Variants in STAG1 observed in about 807,000 individuals in gnomAD.
STAG1 encodes cohesin subunit SA-1.
In STAG1, 26 loss-of-function variants were observed where a neutral mutation model predicts 170.9. That is an observed-to-expected ratio of 0.15 (90% confidence interval 0.11 to 0.21). The LOEUF is 0.21. STAG1 is among the 10% of genes least tolerant of loss of function. The pLI, the probability that STAG1 is intolerant of heterozygous loss-of-function variation, is 1.00. For missense variants in STAG1, 964 were observed against 1,509.5 expected (o/e 0.64, Z 5.99); for synonymous variants, 514 against 497.7 (o/e 1.03, Z -0.44).
intron 7 of STAG1, among the ~76,000 whole-genome samples, chr3:136,517,563 T>C (rs1326010595): frequency 6.6e-6 from 1 of 152,078 alleles, no homozygotes; most frequent in East Asian, 1.9e-4. Flanking sequence ...AAATTTTAAC[T>C]TCATAATACC....
intron 23 of STAG1, among the ~76,000 whole-genome samples, chr3:136,376,005 T>TAATTAACAAAATA (rs1175764770): frequency 4.7e-4 from 30 of 63,926 alleles, no homozygotes; most frequent in South Asian, 1.3e-3. Context: ...AATAAATAAA[T>TAATTAACAAAATA]AAATAATTAA....
intron 3 of STAG1, among the ~76,000 whole-genome samples, chr3:136,611,910 C>T (rs929715972): frequency 4.0e-5 from 6 of 151,676 alleles, no homozygotes; most frequent in East Asian, 1.9e-4. Flanking sequence ...TGCAGTGGCG[C>T]GATCTCGGCT....
rs114262635 is a variant in STAG1, at chr3:136,359,681, C to A, written c.2788-385G>T. Among the ~76,000 whole-genome samples, 1,415 of 152,256 alleles carry A rather than the reference C, an allele frequency of 9.3e-3. 26 individuals are homozygous for A. The highest frequency in any genetic ancestry group is 0.03 in the African/African-American group (1,264 of 41,540). On this transcript the variant is annotated intron_variant, in intron 26 of 33. Coordinates refer to ENST00000383202, the MANE Select transcript of STAG1 (RefSeq NM_005862.3). ...AGTAGCTGAGATAATAGGCGTGTACCACCATGCCCATCTAATTTTTAGCAG... is the reference window on the plus strand; with the variant it reads ...AGTAGCTGAGATAATAGGCGTGTACAACCATGCCCATCTAATTTTTAGCAG...
intron 14 of STAG1, among the ~76,000 whole-genome samples, chr3:136,451,361 T>C (rs1214385119): frequency 6.6e-6 from 1 of 152,134 alleles, no homozygotes; most frequent in Non-Finnish European, 1.5e-5. Flanking sequence ...CCTTACTAAA[T>C]AATTTTCAAA....
At chr3:136,748,514 G>A (rs1034695010) in intron 1 of STAG1, among the ~76,000 whole-genome samples, 7 of 151,826 alleles carry the variant, frequency 4.6e-5, no homozygotes, top group African/African-American at 9.7e-5. Context: ...CTCCTGCCTC[G>A]GCCTCCTGAG....
chr3:136,734,100 C>T (rs1576827878), intron 1 of STAG1, among the ~76,000 whole-genome samples: 1 of 143,938 alleles, frequency 6.9e-6, no homozygotes. Flanking sequence ...GTGCGAGAGA[C>T]TCCATCTCAA....
intron 21 of STAG1, among the ~76,000 whole-genome samples, chr3:136,400,822 C>T (rs1202078415): frequency 1.3e-5 from 2 of 152,184 alleles, no homozygotes; most frequent in Non-Finnish European, 2.9e-5. Flanking sequence ...GTGTGAGCCA[C>T]CGTGCCTGGC....
intron 22 of STAG1, among the ~76,000 whole-genome samples, chr3:136,386,966 C>G (rs2086889286): frequency 6.6e-6 from 1 of 152,026 alleles, no homozygotes; most frequent in Non-Finnish European, 1.5e-5. Flanking sequence ...AGGACCTAGA[C>G]CAGATAAAAA....
intron 13 of STAG1, among the ~76,000 whole-genome samples, chr3:136,453,560 CA>C (rs1441872022): frequency 6.8e-6 from 1 of 147,084 alleles, no homozygotes; most frequent in African/African-American, 2.6e-5. Context: ...CACTGCACTC[CA>C]GCCTGGGTGA....
At chr3:136,345,455 G>GTTTT (rs34593330) in intron 29 of STAG1, among the ~76,000 whole-genome samples, 44 of 99,248 alleles carry the variant, frequency 4.4e-4, no homozygotes, top group African/African-American at 8.1e-4. Context: ...TTACCTAGTT[G>GTTTT]TTTTTTTTTT....
chr3:136,404,810 CAA>C (rs1335193543), intron 21 of STAG1, among the ~76,000 whole-genome samples: 23 of 151,880 alleles, frequency 1.5e-4, no homozygotes, highest in Admixed American at 8.5e-4. Context: ...ACCTGGAAAA[CAA>C]AGTCTGAATT....
At chr3:136,500,152 G>A in intron 9 of STAG1, 71 bp downstream of exon 9, 1 of 1,007,386 alleles carries the variant, frequency 9.9e-7, no homozygotes, top group Non-Finnish European at 1.5e-6. Context: ...TTTACAGTTA[G>A]CCTGGGCCAC....
chr3:136,659,173 A>G (rs1941492567), intron 1 of STAG1, among the ~76,000 whole-genome samples: 1 of 152,218 alleles, frequency 6.6e-6, no homozygotes, highest in African/African-American at 2.4e-5. Flanking sequence ...GTGTTTCTTT[A>G]AACAACAGTA....
intron 1 of STAG1, among the ~76,000 whole-genome samples, chr3:136,681,313 G>C (rs1942327331): frequency 6.6e-6 from 1 of 152,142 alleles, no homozygotes; most frequent in Non-Finnish European, 1.5e-5. Flanking sequence ...TGCCCTAATT[G>C]AAGAATATGA....
chr3:136,690,387 C>T (rs1942682320), intron 1 of STAG1, among the ~76,000 whole-genome samples: 1 of 152,188 alleles, frequency 6.6e-6, no homozygotes, highest in Non-Finnish European at 1.5e-5. Context: ...CAGGCCCACG[C>T]CACCATGCCC....
At chr3:136,583,404 AT>A (rs994449779) in intron 4 of STAG1, among the ~76,000 whole-genome samples, 1 of 152,154 alleles carries the variant, frequency 6.6e-6, no homozygotes, top group African/African-American at 2.4e-5. Context: ...TTTATCATGA[AT>A]TTTTTTAATG....
At chr3:136,519,932 C>G (rs1168180616) in intron 7 of STAG1, among the ~76,000 whole-genome samples, 1 of 152,020 alleles carries the variant, frequency 6.6e-6, no homozygotes, top group African/African-American at 2.4e-5. Flanking sequence ...ATCTCCCTCT[C>G]TTCCTAATAA....
chr3:136,728,949 G>A (rs1245082607), intron 1 of STAG1, among the ~76,000 whole-genome samples: 1 of 152,110 alleles, frequency 6.6e-6, no homozygotes, highest in Non-Finnish European at 1.5e-5. Context: ...AATAAAGGAG[G>A]GATGGGAAAG....
Position 136,423,026 on chromosome 3 carries a change from T to C in STAG1, c.1669A>G (p.Arg557Gly), listed in dbSNP as rs753541892. Residue 557 changes from arginine to glycine, a missense_variant, in exon 17 of 34, where the codon AGG (arginine) becomes GGG (glycine). Transcript: ENST00000383202. ...TGKRVLTAKE[R>G]KTQIDDRNKL... ...TTTCTATCATCAATTTGAGTTTTCC[T>C]TTCTTTGGCAGTTAGCACCTAGAAA... is the stretch of plus-strand genomic sequence containing the variant. The C allele has an allele frequency of 6.2e-7, 1 of 1,607,290 alleles. No individual in the cohort carries two copies. Among genetic ancestry groups the C allele is most frequent in the South Asian group, 1.1e-5 (1 of 89,564 alleles).
Sources: allele counts gnomAD v4.1 joint callset (sites outside exome capture counted in the v4.1 genomes callset), GRCh38; gene constraint gnomAD v4.1.1; transcripts MANE v1.5; gene names NCBI Gene and HGNC (gene_info 2026-07-23, HGNC 2026-07-21).